The following PRKD1 variants were observed in gnomAD, a reference collection of about 807,000 sequenced individuals.
PRKD1 encodes serine/threonine-protein kinase D1.
Under a neutral mutation model 95.9 loss-of-function variants are expected in PRKD1, and 63 were observed. The ratio of observed to expected loss-of-function variants is 0.66; its 90% CI spans 0.54 to 0.81. The LOEUF (loss-of-function observed/expected upper bound fraction) is 0.81. PRKD1 is among the 30% of genes least tolerant of loss of function. The pLI is 0.00. For missense variants in PRKD1, 1,048 were observed against 1,165.3 expected (o/e 0.90, Z 1.47); for synonymous variants, 425 against 423.1 (o/e 1.00, Z -0.05).
intron 13 of PRKD1, among the ~76,000 whole-genome samples, chr14:29,623,472 T>C (rs1879412857): frequency 6.6e-6 from 1 of 152,186 alleles, no homozygotes. Context: ...GGCAGGTATA[T>C]AAAAATCGGA....
chr14:29,843,107 G>A (rs1891929546), intron 1 of PRKD1, among the ~76,000 whole-genome samples: 1 of 152,198 alleles, frequency 6.6e-6, no homozygotes, highest in Admixed American at 6.5e-5. Context: ...TGTATTTGGA[G>A]GCAGGGCCCT....
chr14:29,923,810 GAA>G (rs768450153), intron 1 of PRKD1, among the ~76,000 whole-genome samples: 4 of 99,992 alleles, frequency 4.0e-5, no homozygotes, highest in East Asian at 2.9e-4. Context: ...CTCATTTGAG[GAA>G]AAAAAAAAAA....
chr14:29,636,680 G>C (rs1397369893), intron 6 of PRKD1, among the ~76,000 whole-genome samples, 186 bp from the exon 7 acceptor site: 1 of 152,042 alleles, frequency 6.6e-6, no homozygotes, highest in Non-Finnish European at 1.5e-5. Flanking sequence ...TATTACATAG[G>C]TAAACTTGTG....
At chr14:29,754,732 C>A (rs1033373914) in intron 1 of PRKD1, among the ~76,000 whole-genome samples, 1 of 152,008 alleles carries the variant, frequency 6.6e-6, no homozygotes, top group South Asian at 2.1e-4. Flanking sequence ...TTTACTATGA[C>A]TTGGTATTAC....
intron 1 of PRKD1, among the ~76,000 whole-genome samples, chr14:29,809,015 C>A (rs992283958): frequency 1.3e-5 from 2 of 152,224 alleles, no homozygotes; most frequent in African/African-American, 4.8e-5. Context: ...ACTCTCTGAT[C>A]CATGGGCTGC....
At chr14:29,756,870 T>C (rs1887724827) in intron 1 of PRKD1, among the ~76,000 whole-genome samples, 1 of 152,326 alleles carries the variant, frequency 6.6e-6, no homozygotes. Flanking sequence ...TATTCTCAAC[T>C]TTATGAAAAG....
At chr14:29,646,119 G>A (rs1337113055) in intron 4 of PRKD1, among the ~76,000 whole-genome samples, 1 of 152,138 alleles carries the variant, frequency 6.6e-6, no homozygotes, top group Non-Finnish European at 1.5e-5. Flanking sequence ...CCATATTCAT[G>A]GTGGAGGCGA....
intron 2 of PRKD1, among the ~76,000 whole-genome samples, chr14:29,698,341 T>C (rs1884644594): frequency 6.6e-6 from 1 of 152,280 alleles, no homozygotes; most frequent in South Asian, 2.1e-4. Flanking sequence ...GTATTATTTA[T>C]AAGGAAAGCT....
At chr14:29,765,247 A>G (rs892113545) in intron 1 of PRKD1, among the ~76,000 whole-genome samples, 10 of 152,188 alleles carry the variant, frequency 6.6e-5, no homozygotes, top group African/African-American at 1.9e-4. Flanking sequence ...TTACATAAAC[A>G]CTTCACAAAA....
intron 1 of PRKD1, among the ~76,000 whole-genome samples, chr14:29,799,081 C>T (rs971619579): frequency 6.6e-6 from 1 of 152,164 alleles, no homozygotes; most frequent in South Asian, 2.1e-4. Flanking sequence ...GAAATTTGCA[C>T]ATACTAAGTG....
chr14:29,856,601 T>A (rs1026385657), intron 1 of PRKD1, among the ~76,000 whole-genome samples: 17 of 152,158 alleles, frequency 1.1e-4, no homozygotes, highest in African/African-American at 3.9e-4. Context: ...AACCAATCAA[T>A]GTATCGTGAG....
intron 13 of PRKD1, among the ~76,000 whole-genome samples, chr14:29,623,396 A>G (rs1879406246): frequency 6.6e-6 from 1 of 152,236 alleles, no homozygotes. Context: ...TTTTGCGAAA[A>G]AAAATTGTCC....
At chr14:29,661,526 G>A (rs111591685) in intron 4 of PRKD1, among the ~76,000 whole-genome samples, 3,949 of 152,204 alleles carry the variant, frequency 0.026, 71 homozygotes, top group Non-Finnish European at 0.043. Flanking sequence ...ATGAAGAAGC[G>A]AAGACATGAA....
intron 1 of PRKD1, among the ~76,000 whole-genome samples, chr14:29,763,751 A>G (rs1313520278): frequency 6.6e-6 from 1 of 152,124 alleles, no homozygotes; most frequent in East Asian, 1.9e-4. Flanking sequence ...GAGCACTTAA[A>G]GACTCCTCTT....
chr14:29,840,783 A>G (rs1891809219), intron 1 of PRKD1, among the ~76,000 whole-genome samples: 2 of 152,226 alleles, frequency 1.3e-5, no homozygotes, highest in Non-Finnish European at 2.9e-5. Context: ...CATTTATAAA[A>G]TCAGATCTCT....
intron 2 of PRKD1, among the ~76,000 whole-genome samples, chr14:29,716,744 T>C (rs1885631885): frequency 6.6e-6 from 1 of 152,138 alleles, no homozygotes; most frequent in Non-Finnish European, 1.5e-5. Flanking sequence ...AAAAGAGCAA[T>C]GGTTGGGAAA....
chr14:29,831,266 C>T (rs1313335127), intron 1 of PRKD1, among the ~76,000 whole-genome samples: 1 of 152,018 alleles, frequency 6.6e-6, no homozygotes, highest in East Asian at 1.9e-4. Context: ...TAAAGCTACA[C>T]AGCTACAAAA....
chr14:29,900,599 CAAATATCCAGAATCAA>C (rs1894288045), intron 1 of PRKD1, among the ~76,000 whole-genome samples: 1 of 151,984 alleles, frequency 6.6e-6, no homozygotes, highest in Admixed American at 6.6e-5. Context: ...TGACAAAGGT[CAAATATCCAGAATCAA>C]AAAAGGACTT....
chr14:29,831,936 A>C (rs560632805), intron 1 of PRKD1, among the ~76,000 whole-genome samples: 1 of 152,284 alleles, frequency 6.6e-6, no homozygotes, highest in East Asian at 1.9e-4. Context: ...TAATACATGT[A>C]TGTACATCCA....
Sources: allele counts gnomAD v4.1 joint callset (sites outside exome capture counted in the v4.1 genomes callset), GRCh38; gene constraint gnomAD v4.1.1; transcripts MANE v1.5; gene names NCBI Gene and HGNC (gene_info 2026-07-23, HGNC 2026-07-21).